Variants in BPIFC observed in about 807,000 individuals in gnomAD.
The protein encoded by BPIFC is BPI fold-containing family C protein.
A neutral mutation model predicts 57.6 loss-of-function variants in BPIFC; 60 were observed. That is an observed-to-expected ratio of 1.04 (90% CI 0.85 to 1.29). The LOEUF is 1.29. Ranked by LOEUF, BPIFC falls within the 50% of genes most tolerant of loss-of-function variation. The pLI is 0.00. For missense variants in BPIFC, 581 were observed against 600.5 expected (o/e 0.97, Z 0.34); for synonymous variants, 243 against 224.5 (o/e 1.08, Z -0.74).
At chr22:32,426,657 C>T (rs540022937) in intron 13 of BPIFC, among the ~76,000 whole-genome samples, 1 of 151,940 alleles carries the variant, frequency 6.6e-6, no homozygotes, top group Non-Finnish European at 1.5e-5. Flanking sequence ...TTTGGGAGGC[C>T]GAGGCGGGTG....
At chr22:32,448,856 T>C (rs1934807906) in intron 4 of BPIFC, among the ~76,000 whole-genome samples, 1 of 116,776 alleles carries the variant, frequency 8.6e-6, no homozygotes, top group African/African-American at 3.1e-5. Flanking sequence ...GAGAATCCCT[T>C]GAACCCAGGA....
chr22:32,440,660 C>T (rs1934540253), intron 8 of BPIFC, among the ~76,000 whole-genome samples: 1 of 152,110 alleles, frequency 6.6e-6, no homozygotes, highest in South Asian at 2.1e-4. Flanking sequence ...ATGCTAAATC[C>T]CTTCTTCCAA....
intron 4 of BPIFC, among the ~76,000 whole-genome samples, chr22:32,449,195 A>G (rs542547727): frequency 6.0e-4 from 92 of 152,312 alleles, no homozygotes; most frequent in African/African-American, 2.1e-3. Flanking sequence ...GCCACTTCAC[A>G]TATTGTGCAA....
In BPIFC at chr22:32,442,686, G is replaced by A. The variant is rs150631852; in HGVS notation, c.640C>T (p.Leu214Phe). Reference sequence around the variant, plus strand: ...TAAGACTCACCCTCCAGTGTGCTGAGGTTGGCATTTAGCGCTTTGACTTCA... The same window carrying A: ...TAAGACTCACCCTCCAGTGTGCTGAAGTTGGCATTTAGCGCTTTGACTTCA... ...ASEVKALNANLSTLEVLTKID... is the reference protein window; with the variant it reads ...ASEVKALNANFSTLEVLTKID... Residue 214 changes from leucine to phenylalanine, a missense_variant, in exon 8 of 17, where the codon CTC becomes TTC. Coordinates refer to ENST00000300399, the MANE Select transcript of BPIFC (RefSeq NM_174932.3). 1,165 of 1,613,934 alleles carry A rather than the reference G, an allele frequency of 7.2e-4. 1 individual carries two copies. The highest frequency in any genetic ancestry group is 9.2e-4 in the Admixed American group (55 of 60,008).
chr22:32,463,217 C>A (rs1935200242), intron 1 of BPIFC, among the ~76,000 whole-genome samples: 1 of 152,034 alleles, frequency 6.6e-6, no homozygotes, highest in Non-Finnish European at 1.5e-5. Flanking sequence ...AACTTATGGG[C>A]AGGGGAGGAA....
chr22:32,424,753 C>CTCTTCTTCTTCTTCTTCT lies in BPIFC; in HGVS notation c.1218-5367_1218-5350dup, dbSNP rs1556036707. Among the ~76,000 whole-genome samples, 6 of 35,488 alleles carry CTCTTCTTCTTCTTCTTCT rather than the reference C, an allele frequency of 1.7e-4. 1 individual carries two copies. Among genetic ancestry groups the CTCTTCTTCTTCTTCTTCT allele is most frequent in the Non-Finnish European group, 3.0e-4 (6 of 20,292 alleles). 23.3% of individuals were successfully genotyped at this position (35,488 alleles called of 152,430 possible). On this transcript the variant is annotated intron_variant, in intron 13 of 16. Coordinates refer to ENST00000300399, the MANE Select transcript of BPIFC (RefSeq NM_174932.3). The stretch of plus-strand genomic sequence containing the variant: ...CCTCTTCTTCTTCCTCTTCTTCTTC[C>CTCTTCTTCTTCTTCTTCT]TCTTCTTCTTCTTCTTCTTCTTCTT...
At chr22:32,427,941 C>T (rs140661870) in intron 13 of BPIFC, among the ~76,000 whole-genome samples, 3,003 of 152,260 alleles carry the variant, frequency 0.02, 40 homozygotes, top group Middle Eastern at 0.051. Context: ...AAGCCCAGAT[C>T]GTGCCACTGC....
rs1690503439 is a variant in BPIFC, at chr22:32,415,980, G to A, written c.1336C>T (p.Gln446Ter). 1.3e-6 allele frequency: 2 copies of A among 1,584,292 alleles called. No homozygotes were observed. Among genetic ancestry groups the A allele is most frequent in the African/African-American group, 2.8e-5 (2 of 71,848 alleles). ...TGTGGATTGGACAGAGGAAATCCTTGCTGCAATTTTGCTAAAATATAGAAC... is the reference window on the plus strand; with the variant it reads ...TGTGGATTGGACAGAGGAAATCCTTACTGCAATTTTGCTAAAATATAGAAC... ...VLPLANAKLQ[Q>*]GFPLSNPHKF... The change falls in exon 16 of 17, where the codon CAA (glutamine) becomes TAA (stop). Residue 446 changes from glutamine (Q) to a stop codon, truncating the protein, a stop_gained. Coordinates refer to ENST00000300399, the MANE Select transcript of BPIFC (RefSeq NM_174932.3). LOFTEE classifies it high-confidence loss of function.
chr22:32,416,362 C>T (rs760344029), intron 15 of BPIFC, among the ~76,000 whole-genome samples: 7 of 152,094 alleles, frequency 4.6e-5, no homozygotes, highest in Non-Finnish European at 8.8e-5. Flanking sequence ...GGATTACAGG[C>T]GTGAGCCACT....
At chr22:32,417,206 T>TTG in intron 14 of BPIFC, 58 bp from the exon 15 acceptor site, 1 of 861,062 alleles carries the variant, frequency 1.2e-6, no homozygotes, top group Non-Finnish European at 1.8e-6. Flanking sequence ...TTTTTTTTTT[T>TTG]GCTTTGTTAC....
At chr22:32,443,489 CT>C (rs1264819395) in intron 7 of BPIFC, among the ~76,000 whole-genome samples, 2 of 152,174 alleles carry the variant, frequency 1.3e-5, no homozygotes, top group Non-Finnish European at 2.9e-5. Context: ...TACTTTCCCC[CT>C]GGGCTAGTTG....
chr22:32,453,403 A>T lies in BPIFC; in HGVS notation c.225T>A (p.Tyr75Ter). 3 of 1,591,166 alleles carry T rather than the reference A, an allele frequency of 1.9e-6. No homozygotes were observed. The highest frequency in any genetic ancestry group is 2.6e-6 in the Non-Finnish European group (3 of 1,174,026). ...CTTACTTTGAAAAATTGTAGTTTAC[A>T]TAATCAACTTTTAGAAATTCAAGAG... ...SESLEFLKVD[Y>*]VNYNFSNIKI... The change falls in exon 4 of 17, where the codon TAT becomes TAA. Residue 75 changes from tyrosine (Y) to a stop codon, truncating the protein, a stop_gained. Coordinates refer to ENST00000300399, the MANE Select transcript of BPIFC (RefSeq NM_174932.3). LOFTEE classifies it high-confidence loss of function.
chr22:32,436,001 G>A, intron 9 of BPIFC, 121 bp from the exon 10 acceptor site: 1 of 1,104,746 alleles, frequency 9.1e-7, no homozygotes, highest in Admixed American at 2.8e-5. Flanking sequence ...CAGGTGTGGT[G>A]GCTCACGCCT....
chr22:32,443,008 G>A (rs1934607708), intron 7 of BPIFC, among the ~76,000 whole-genome samples: 2 of 152,092 alleles, frequency 1.3e-5, no homozygotes, highest in Admixed American at 6.6e-5. Context: ...TTCTTTCTGT[G>A]ACATGATAGG....
In BPIFC at chr22:32,460,088, G is replaced by A. The variant is rs147228585; in HGVS notation, c.-1+1486C>T. Among the ~76,000 whole-genome samples the A allele has an allele frequency of 7.9e-5, 12 of 152,284 alleles. No homozygotes were observed. The East Asian group carries it at 2.1e-3, about 27-fold the overall frequency. On this transcript the variant is annotated intron_variant, in intron 2 of 16. Transcript: ENST00000300399. ...GTGAGGCCATGGAGGTGGGAATGGG[G>A]CAATGTATATAAAGGGACTTCTAGA...
At chr22:32,440,279 C>T (rs1015769351) in intron 8 of BPIFC, among the ~76,000 whole-genome samples, 8 of 151,592 alleles carry the variant, frequency 5.3e-5, no homozygotes, top group South Asian at 4.2e-4. Flanking sequence ...GGACTAAAGG[C>T]GCACGCCACC....
At chr22:32,441,751 C>G (rs1232492104) in intron 8 of BPIFC, among the ~76,000 whole-genome samples, 3 of 152,112 alleles carry the variant, frequency 2.0e-5, no homozygotes, top group Admixed American at 2.0e-4. Context: ...AATGGGCACT[C>G]AATATGTATC....
chr22:32,416,202 C>T (rs1187324914), intron 15 of BPIFC, among the ~76,000 whole-genome samples: 1 of 151,786 alleles, frequency 6.6e-6, no homozygotes, highest in African/African-American at 2.4e-5. Flanking sequence ...GCCTCAGCCT[C>T]CCGAGTAGCT....
chr22:32,418,063 C>T (rs1006173900), intron 14 of BPIFC, among the ~76,000 whole-genome samples: 5 of 151,976 alleles, frequency 3.3e-5, no homozygotes, highest in East Asian at 1.9e-4. Context: ...AAATAATTAC[C>T]GTAAATATGA....
Sources: allele counts gnomAD v4.1 joint callset (sites outside exome capture counted in the v4.1 genomes callset), GRCh38; gene constraint gnomAD v4.1.1; transcripts MANE v1.5; gene names NCBI Gene and HGNC (gene_info 2026-07-23, HGNC 2026-07-21).